Variants in UNC5D observed in about 807,000 individuals in gnomAD.
UNC5D encodes the protein unc-5 netrin receptor D.
Under a neutral mutation model 105.4 loss-of-function variants are expected in UNC5D, and 39 were observed. That is an observed-to-expected ratio of 0.37 (90% CI 0.29 to 0.48). UNC5D has a LOEUF of 0.48. UNC5D is among the 20% of genes least tolerant of loss of function. The pLI is 0.98. For synonymous variants in UNC5D, 452 were observed against 450.4 expected (o/e 1.00, Z -0.04); for missense variants, 991 against 1,202.4 (o/e 0.82, Z 2.60).
At chr8:35,442,064 A>G (rs1585852428) in intron 1 of UNC5D, among the ~76,000 whole-genome samples, 1 of 152,090 alleles carries the variant, frequency 6.6e-6, no homozygotes, top group Non-Finnish European at 1.5e-5. Flanking sequence ...TTCCTTGCAA[A>G]ACGTGAAATT....
At chr8:35,667,224 G>A (rs1824484412) in intron 4 of UNC5D, among the ~76,000 whole-genome samples, 1 of 151,996 alleles carries the variant, frequency 6.6e-6, no homozygotes, top group Non-Finnish European at 1.5e-5. Context: ...TGATAAAGTA[G>A]CAAACAACTT....
intron 1 of UNC5D, among the ~76,000 whole-genome samples, chr8:35,281,291 A>G (rs2980383): frequency 0.82 from 124,661 of 152,094 alleles, 51,554 homozygotes; most frequent in East Asian, 1. Context: ...CATTTTGATG[A>G]CTGTCTGCAT....
Position 35,786,572 on chromosome 8 carries a change from C to G in UNC5D, c.2658-3787C>G, listed in dbSNP as rs569890587. Among the ~76,000 whole-genome samples, 16 of 152,188 alleles carry G rather than the reference C, an allele frequency of 1.1e-4. No individual in the cohort carries two copies. The East Asian group carries it at 3.1e-3, about 29-fold the overall frequency. On this transcript the variant is annotated intron_variant, in intron 16 of 16. Transcript: ENST00000404895. ...GAAGCCTCAAAACCTAGTTTGTATG[C>G]CTCTCTAAAGGTTCTGTTATTGCGT...
chr8:35,389,663 T>A (rs1316120312), intron 1 of UNC5D, among the ~76,000 whole-genome samples: 1 of 151,810 alleles, frequency 6.6e-6, no homozygotes, highest in Non-Finnish European at 1.5e-5. Context: ...AAAACTACTT[T>A]GCGGTATAGA....
chr8:35,536,932 G>T (rs929927247), intron 1 of UNC5D, among the ~76,000 whole-genome samples: 1 of 152,160 alleles, frequency 6.6e-6, no homozygotes, highest in African/African-American at 2.4e-5. Flanking sequence ...GGAGGCGAAG[G>T]TTGCAATGAG....
chr8:35,235,543 G>T lies in UNC5D; in HGVS notation c.-242G>T. On this transcript the variant is annotated 5_prime_UTR_variant, in exon 1 of 17. Coordinates refer to ENST00000404895, the MANE Select transcript of UNC5D (RefSeq NM_080872.4). The stretch of plus-strand genomic sequence containing the variant: ...GCGGCGGGGACTGCGGGCGACTCCG[G>T]CATCCGCGCTGGCGGCAGCGGTCGC... The T allele has an allele frequency of 2.8e-6, 1 of 356,378 alleles. No individual in the cohort carries two copies. The highest frequency in any genetic ancestry group is 4.2e-5 in the East Asian group (1 of 24,096). 22.1% of individuals were successfully genotyped at this position (356,378 alleles called of 1,614,324 possible). A position where few individuals can be genotyped will look rare whatever the true frequency, so the allele number is the denominator to read the frequency against.
At chr8:35,457,460 T>C (rs1303533248) in intron 1 of UNC5D, among the ~76,000 whole-genome samples, 1 of 152,154 alleles carries the variant, frequency 6.6e-6, no homozygotes, top group East Asian at 1.9e-4. Flanking sequence ...ATTCTTAAGG[T>C]AGCAAGTTTG....
chr8:35,286,035 G>C (rs374977222), intron 1 of UNC5D, among the ~76,000 whole-genome samples: 1 of 152,064 alleles, frequency 6.6e-6, no homozygotes. Context: ...AGGCCCCAAA[G>C]TTTTATATAA....
intron 7 of UNC5D, among the ~76,000 whole-genome samples, chr8:35,704,128 TC>T (rs1827382193): frequency 1.3e-5 from 2 of 152,240 alleles, no homozygotes; most frequent in African/African-American, 4.8e-5. Flanking sequence ...TAAGGATTTT[TC>T]TTTTTAAAGA....
chr8:35,618,355 G>C (rs893582081), intron 4 of UNC5D, among the ~76,000 whole-genome samples: 3 of 152,166 alleles, frequency 2.0e-5, no homozygotes, highest in African/African-American at 7.2e-5. Context: ...TCTTCTTAGA[G>C]CTTCCATTCT....
At chr8:35,249,775 G>A (rs559435976) in intron 1 of UNC5D, among the ~76,000 whole-genome samples, 107 of 152,012 alleles carry the variant, frequency 7.0e-4, no homozygotes, top group African/African-American at 2.5e-3. Context: ...CACCTTGCTG[G>A]AGAAGTGTTG....
intron 1 of UNC5D, among the ~76,000 whole-genome samples, chr8:35,257,951 G>C (rs914019626): frequency 6.6e-6 from 1 of 152,170 alleles, no homozygotes; most frequent in Non-Finnish European, 1.5e-5. Context: ...AACAATGTAT[G>C]GAGTACATTT....
At position 35,696,375 on chromosome 8, in the gene UNC5D, T is replaced by C. The variant is rs552402116; in HGVS notation, c.1085-9554T>C. 2.1e-3 allele frequency among the ~76,000 whole-genome samples: 324 copies of C among 150,910 alleles called. 2 individuals are homozygous for C. The highest frequency in any genetic ancestry group is 7.6e-3 in the African/African-American group (313 of 41,104). On this transcript the variant is annotated intron_variant, in intron 7 of 16. Coordinates refer to ENST00000404895, the MANE Select transcript of UNC5D (RefSeq NM_080872.4). ...TTTCCAAAGTTTAGGCTTTCTGTCA[T>C]ATAAACAAAACTATCCTCATTTTAT...
chr8:35,400,942 C>T (rs1804418727), intron 1 of UNC5D, among the ~76,000 whole-genome samples: 1 of 152,106 alleles, frequency 6.6e-6, no homozygotes, highest in Non-Finnish European at 1.5e-5. Context: ...TGTTTATTAG[C>T]ACTGGATGTG....
intron 4 of UNC5D, among the ~76,000 whole-genome samples, chr8:35,608,436 A>G (rs1820455384): frequency 6.6e-6 from 1 of 152,238 alleles, no homozygotes; most frequent in Non-Finnish European, 1.5e-5. Flanking sequence ...TCTGATCTGT[A>G]TAAATGTATG....
chr8:35,716,592 A>C (rs1322389946), intron 8 of UNC5D, among the ~76,000 whole-genome samples: 2 of 152,228 alleles, frequency 1.3e-5, no homozygotes, highest in African/African-American at 4.8e-5. Context: ...GGAAGATTAA[A>C]ATGAGTTAAT....
At chr8:35,673,236 G>T (rs1254220203) in intron 4 of UNC5D, among the ~76,000 whole-genome samples, 1 of 152,154 alleles carries the variant, frequency 6.6e-6, no homozygotes, top group Non-Finnish European at 1.5e-5. Flanking sequence ...TAACTTGAAA[G>T]AAATATTATC....
intron 16 of UNC5D, among the ~76,000 whole-genome samples, chr8:35,785,715 A>T (rs1802713004): frequency 6.6e-6 from 1 of 152,110 alleles, no homozygotes; most frequent in African/African-American, 2.4e-5. Context: ...TGAGAAACAC[A>T]CTCACCCGTC....
chr8:35,377,918 ATCCT>A (rs1366739125), intron 1 of UNC5D, among the ~76,000 whole-genome samples: 1 of 152,152 alleles, frequency 6.6e-6, no homozygotes, highest in Non-Finnish European at 1.5e-5. Context: ...TAGGAAGCTC[ATCCT>A]TCATTCTCTC....
Sources: gnomAD v4.1 joint callset for allele counts (sites outside exome capture counted in the v4.1 genomes callset) on GRCh38, gnomAD v4.1.1 for gene constraint, MANE v1.5 for transcripts, NCBI Gene and HGNC (gene_info 2026-07-23, HGNC 2026-07-21) for gene names.